CDH12: variants seen among roughly 807,000 people sequenced by gnomAD.
CDH12 encodes cadherin 12, also known as cadherin-12.
A neutral mutation model predicts 74.1 loss-of-function variants in CDH12; 41 were observed. That is an observed-to-expected ratio of 0.55 (90% CI 0.43 to 0.72). CDH12 has a LOEUF of 0.72. Ranked by LOEUF, CDH12 falls within the 30% of genes least tolerant of loss-of-function variation. CDH12 has a pLI of 0.00. For synonymous variants in CDH12, 399 were observed against 355.0 expected (o/e 1.12, Z -1.39); for missense variants, 945 against 977.2 (o/e 0.97, Z 0.44).
chr5:21,982,959 C>T (rs1371154620), intron 5 of CDH12, among the ~76,000 whole-genome samples: 2 of 152,034 alleles, frequency 1.3e-5, no homozygotes, highest in Admixed American at 1.3e-4. Context: ...TGAGGTCTGA[C>T]ATCAAATCTT....
rs539500479 is a variant in CDH12 at position 22,760,974 on chromosome 5, C to A, written c.-523+92084G>T. Among the ~76,000 whole-genome samples the A allele has an allele frequency of 5.3e-5, 8 of 152,242 alleles. No individual in the cohort carries two copies. The South Asian group carries it at 6.2e-4, about 12-fold the overall frequency. On this transcript the variant is annotated intron_variant, in intron 1 of 14. Transcript: ENST00000382254. ...GGAAATTAAATTTTAAAATACTCTC[C>A]ATCACTCATGCAAATATCAGTTGTT...
At chr5:22,128,412 G>GTT (rs546052177) in intron 4 of CDH12, among the ~76,000 whole-genome samples, 25 of 149,646 alleles carry the variant, frequency 1.7e-4, no homozygotes, top group Admixed American at 4.0e-4. Context: ...AGTCCAGCTA[G>GTT]TTTTTTTTTT....
intron 3 of CDH12, among the ~76,000 whole-genome samples, chr5:22,223,227 T>C (rs560822733): frequency 1.1e-4 from 17 of 152,108 alleles, no homozygotes; most frequent in Middle Eastern, 3.4e-3. Flanking sequence ...GCTAAGCAGG[T>C]CTGCAGTTTG....
In CDH12 at chr5:22,727,361, T is replaced by G. The variant is rs375684890; in HGVS notation, c.-523+125697A>C. Among the ~76,000 whole-genome samples, 4 of 151,790 alleles carry G rather than the reference T, an allele frequency of 2.6e-5. No homozygotes were observed. In the East Asian group the frequency reaches 5.8e-4, roughly 22 times the overall value. ...AGATTGGGAGGACAACCCTTTTTACTCCTTCTATCTTATTATTAACTTTTA... is the reference window on the plus strand; with the variant it reads ...AGATTGGGAGGACAACCCTTTTTACGCCTTCTATCTTATTATTAACTTTTA... On this transcript the variant is annotated intron_variant, in intron 1 of 14. Transcript: ENST00000382254.
chr5:22,470,247 T>C (rs953043679), intron 2 of CDH12, among the ~76,000 whole-genome samples: 1 of 152,152 alleles, frequency 6.6e-6, no homozygotes, highest in Non-Finnish European at 1.5e-5. Context: ...TTCTGAAGTT[T>C]TCTTATGTAG....
At chr5:22,452,880 C>CAAAAAAAAAAAAAAAAAAAAAAA (rs768945480) in intron 2 of CDH12, among the ~76,000 whole-genome samples, 5 of 32,200 alleles carry the variant, frequency 1.6e-4, no homozygotes, top group Admixed American at 4.6e-4. Context: ...AACCTAAGAG[C>CAAAAAAAAAAAAAAAAAAAAAAA]AAAAAAAAAA....
At chr5:21,987,057 C>T (rs1034873351) in intron 5 of CDH12, among the ~76,000 whole-genome samples, 8 of 152,016 alleles carry the variant, frequency 5.3e-5, no homozygotes. Flanking sequence ...AATCTGAACT[C>T]GAATGTAAAA....
intron 1 of CDH12, among the ~76,000 whole-genome samples, chr5:22,692,971 T>G (rs1308782344): frequency 6.6e-6 from 1 of 152,188 alleles, no homozygotes; most frequent in Non-Finnish European, 1.5e-5. Flanking sequence ...CACTAAATAT[T>G]ATTATTCCCT....
At chr5:21,940,119 G>A in intron 6 of CDH12, among the ~76,000 whole-genome samples, 1 of 152,014 alleles carries the variant, frequency 6.6e-6, no homozygotes, top group Non-Finnish European at 1.5e-5. Context: ...CCCAGCTACT[G>A]GGGAGGCTGA....
intron 5 of CDH12, among the ~76,000 whole-genome samples, chr5:22,022,083 C>T (rs370323128): frequency 3.3e-4 from 50 of 152,284 alleles, no homozygotes; most frequent in Admixed American, 1.0e-3. Context: ...GCAATCCTCC[C>T]GCCTCAGCTT....
intron 5 of CDH12, among the ~76,000 whole-genome samples, chr5:22,014,225 C>G (rs1349772393): frequency 6.6e-6 from 1 of 152,064 alleles, no homozygotes; most frequent in East Asian, 1.9e-4. Flanking sequence ...AGCAAGACTC[C>G]TCCGTCTCAA....
chr5:22,292,847 A>C lies in CDH12; in HGVS notation c.-332-80204T>G, dbSNP rs534150323. Among the ~76,000 whole-genome samples, 5 of 152,256 alleles carry C rather than the reference A, an allele frequency of 3.3e-5. No individual in the cohort carries two copies. In the South Asian group the frequency reaches 6.2e-4, roughly 19 times the overall value. On this transcript the variant is annotated intron_variant, in intron 3 of 14. Coordinates refer to ENST00000382254, the MANE Select transcript of CDH12 (RefSeq NM_004061.5). ...ATGGAAAACAGTATGAAGTTTCCTC[A>C]ATGTTGGAAACAGCGAGTTCCTTTT...
intron 1 of CDH12, among the ~76,000 whole-genome samples, chr5:22,804,456 G>T (rs1043957018): frequency 2.6e-5 from 4 of 152,086 alleles, no homozygotes; most frequent in African/African-American, 9.7e-5. Context: ...CTAAATCCAA[G>T]ATCTGTAGGG....
At chr5:22,371,583 A>G (rs986920100) in intron 3 of CDH12, among the ~76,000 whole-genome samples, 4 of 152,132 alleles carry the variant, frequency 2.6e-5, no homozygotes, top group African/African-American at 9.7e-5. Flanking sequence ...CCACTCTTAT[A>G]TATAGTTAAC....
intron 6 of CDH12, among the ~76,000 whole-genome samples, chr5:21,871,838 C>T (rs1472176738): frequency 3.3e-5 from 5 of 152,102 alleles, no homozygotes; most frequent in Non-Finnish European, 5.9e-5. Flanking sequence ...AGACTCCTAT[C>T]CTCAACTCTC....
chr5:22,029,835 T>C (rs1188394039), intron 5 of CDH12, among the ~76,000 whole-genome samples: 2 of 151,876 alleles, frequency 1.3e-5, no homozygotes, highest in African/African-American at 2.4e-5. Context: ...GCGGCACTAT[T>C]CACAATAGCA....
rs10685463 is a variant in CDH12, at chr5:22,489,056, CTTTTT to C, written c.-428+16209_-428+16213del. ...AGTAATTGCAGTTTTTTGGTACCACCTTTTTTTTTTTTTTTTTTTGAGACAGAGTC... is the reference window on the plus strand; with the variant it reads ...AGTAATTGCAGTTTTTTGGTACCACCTTTTTTTTTTTTTTGAGACAGAGTC... On this transcript the variant is annotated intron_variant, in intron 2 of 14. Coordinates refer to ENST00000382254, the MANE Select transcript of CDH12 (RefSeq NM_004061.5). Among the ~76,000 whole-genome samples the C allele has an allele frequency of 4.8e-3, 179 of 37,326 alleles. 21 individuals are homozygous for C. The highest frequency in any genetic ancestry group is 0.019 in the African/African-American group (172 of 9,086). The allele number at this position is 37,326 out of a possible 152,430, so 24.5% of individuals were successfully genotyped here. A position where few individuals can be genotyped will look rare whatever the true frequency, so the allele number is the denominator to read the frequency against.
At chr5:22,154,523 A>ATG (rs1235975162) in intron 4 of CDH12, among the ~76,000 whole-genome samples, 2 of 135,096 alleles carry the variant, frequency 1.5e-5, no homozygotes, top group African/African-American at 5.5e-5. Flanking sequence ...ACACATATAT[A>ATG]TACACATATG....
chr5:22,277,067 T>C (rs1216128908), intron 3 of CDH12, among the ~76,000 whole-genome samples: 1 of 152,184 alleles, frequency 6.6e-6, no homozygotes, highest in Non-Finnish European at 1.5e-5. Context: ...TTTATAATCT[T>C]ACTCAAGACC....
Sources: gnomAD v4.1 joint callset for allele counts (sites outside exome capture counted in the v4.1 genomes callset) on GRCh38, gnomAD v4.1.1 for gene constraint, MANE v1.5 for transcripts, NCBI Gene and HGNC (gene_info 2026-07-23, HGNC 2026-07-21) for gene names.